The following GRM7 variants were observed in gnomAD, a reference collection of about 807,000 sequenced individuals.
GRM7 encodes the protein metabotropic glutamate receptor 7.
Under a neutral mutation model 84.5 loss-of-function variants are expected in GRM7, and 35 were observed. The ratio of observed to expected loss-of-function variants is 0.41; its 90% CI spans 0.32 to 0.55. The LOEUF (loss-of-function observed/expected upper bound fraction) is 0.55. Among genes scored for constraint, GRM7 ranks in the 20% least tolerant of loss-of-function variants. The pLI is 0.19. For synonymous variants in GRM7, 487 were observed against 455.1 expected (o/e 1.07, Z -0.89); for missense variants, 1,003 against 1,194.6 (o/e 0.84, Z 2.36).
At chr3:7,515,574 G>T (rs1700347435) in intron 7 of GRM7, among the ~76,000 whole-genome samples, 1 of 152,112 alleles carries the variant, frequency 6.6e-6, no homozygotes. Context: ...GTATCAAAAA[G>T]GAAACTAACC....
rs1270538512 is a variant in GRM7, at chr3:6,958,240, T to C, written c.519+96333T>C. Among the ~76,000 whole-genome samples, 5 of 11,696 alleles carry C rather than the reference T, an allele frequency of 4.3e-4. No individual in the cohort carries two copies. In the African/African-American group the frequency reaches 0.014, roughly 32 times the overall value. 7.7% of individuals were successfully genotyped at this position (11,696 alleles called of 152,430 possible). On this transcript the variant is annotated intron_variant, in intron 1 of 9. Transcript: ENST00000357716. ...GAATTTTATAAAAATGGTATCAGGC[T>C]TTTTTTTTTTTGGAAGAGTCTGGTT...
chr3:7,732,508 C>T (rs1004257251), intron 9 of GRM7, among the ~76,000 whole-genome samples: 1 of 151,998 alleles, frequency 6.6e-6, no homozygotes, highest in Non-Finnish European at 1.5e-5. Flanking sequence ...TAAAACCAAC[C>T]AGAGCAAAGA....
intron 4 of GRM7, among the ~76,000 whole-genome samples, chr3:7,403,622 G>GAT (rs59465377): frequency 0.22 from 28,306 of 126,678 alleles, 3,000 homozygotes; most frequent in East Asian, 0.32. Context: ...GAGTAATTCT[G>GAT]ATATATATAT....
intron 8 of GRM7, among the ~76,000 whole-genome samples, chr3:7,615,496 A>C (rs1384940414): frequency 6.6e-6 from 1 of 152,156 alleles, no homozygotes; most frequent in Non-Finnish European, 1.5e-5. Context: ...CATCACCTTG[A>C]ATACCTTATA....
At chr3:7,194,827 A>G (rs1293027335) in intron 2 of GRM7, among the ~76,000 whole-genome samples, 1 of 152,166 alleles carries the variant, frequency 6.6e-6, no homozygotes, top group Non-Finnish European at 1.5e-5. Flanking sequence ...GGCACAAAAT[A>G]TATAGTAAGC....
intron 2 of GRM7, among the ~76,000 whole-genome samples, chr3:7,244,200 CT>C (rs542522049): frequency 6.6e-6 from 1 of 152,056 alleles, no homozygotes; most frequent in Admixed American, 6.6e-5. Context: ...ACTTTTAACT[CT>C]TTTAACTTTT....
At chr3:7,161,195 G>A (rs559572115) in intron 2 of GRM7, among the ~76,000 whole-genome samples, 1 of 151,382 alleles carries the variant, frequency 6.6e-6, no homozygotes, top group Non-Finnish European at 1.5e-5. Flanking sequence ...CACTTTTCAC[G>A]ATCTGAAGGC....
chr3:7,225,473 A>G (rs1696953188), intron 2 of GRM7, among the ~76,000 whole-genome samples: 1 of 147,650 alleles, frequency 6.8e-6, no homozygotes, highest in Admixed American at 6.8e-5. Flanking sequence ...TATAATTATA[A>G]TAAATGTAAA....
At chr3:7,311,240 G>C (rs1700380130) in intron 4 of GRM7, among the ~76,000 whole-genome samples, 1 of 152,160 alleles carries the variant, frequency 6.6e-6, no homozygotes, top group Admixed American at 6.5e-5. Flanking sequence ...GAAGAGCTTT[G>C]AGAGACAACT....
Position 6,972,357 on chromosome 3 carries a change from T to G in GRM7, c.519+110450T>G, listed in dbSNP as rs145614157. On this transcript the variant is annotated intron_variant, in intron 1 of 9. Coordinates refer to ENST00000357716, the MANE Select transcript of GRM7 (RefSeq NM_000844.4). ...GCTTTTCCACTGAGAGAGTTCTGAT[T>G]GTCCGTGTTTCTTCGTCTTCTGATA... 7.2e-3 allele frequency among the ~76,000 whole-genome samples: 1,102 copies of G among 152,276 alleles called. 16 individuals carry two copies. The highest frequency in any genetic ancestry group is 0.024 in the African/African-American group (1,000 of 41,544).
chr3:7,024,416 C>T (rs1289007325), intron 1 of GRM7, among the ~76,000 whole-genome samples: 1 of 152,204 alleles, frequency 6.6e-6, no homozygotes, highest in African/African-American at 2.4e-5. Context: ...TGCACTTTGA[C>T]ATTAGCACCA....
chr3:7,473,532 A>AGAGAGAGAGAGAGAGAGAGAC (rs1553603738), intron 7 of GRM7, among the ~76,000 whole-genome samples: 5 of 83,566 alleles, frequency 6.0e-5, no homozygotes, highest in Non-Finnish European at 1.1e-4. Context: ...GAGAGAGAGA[A>AGAGAGAGAGAGAGAGAGAGAC]ACACCTTGAC....
chr3:7,372,265 C>T (rs1409933727), intron 4 of GRM7, among the ~76,000 whole-genome samples: 2 of 152,126 alleles, frequency 1.3e-5, no homozygotes, highest in Non-Finnish European at 2.9e-5. Context: ...AAAACAATCA[C>T]GTAAAGACGT....
chr3:7,390,601 G>T (rs569001913), intron 4 of GRM7, among the ~76,000 whole-genome samples: 1 of 152,004 alleles, frequency 6.6e-6, no homozygotes, highest in Admixed American at 6.5e-5. Context: ...TTGAAAGACT[G>T]GTCTTTGAGC....
At chr3:7,356,788 T>A (rs750619297) in intron 4 of GRM7, among the ~76,000 whole-genome samples, 1 of 152,010 alleles carries the variant, frequency 6.6e-6, no homozygotes, top group Non-Finnish European at 1.5e-5. Context: ...AGAGGCTCTA[T>A]TGTCAGCTTT....
intron 1 of GRM7, among the ~76,000 whole-genome samples, chr3:6,894,703 G>C (rs976674603): frequency 1.6e-4 from 25 of 152,210 alleles, no homozygotes; most frequent in African/African-American, 4.8e-4. Context: ...AAACTGGGTA[G>C]GCTTCCAGCA....
chr3:6,869,960 A>G (rs1382131889), intron 1 of GRM7, among the ~76,000 whole-genome samples: 1 of 151,872 alleles, frequency 6.6e-6, no homozygotes, highest in Non-Finnish European at 1.5e-5. Flanking sequence ...GCTTTTCTAA[A>G]TGCTTGGACA....
At chr3:7,561,758 G>C (rs1480402306) in intron 7 of GRM7, among the ~76,000 whole-genome samples, 1 of 152,054 alleles carries the variant, frequency 6.6e-6, no homozygotes, top group Non-Finnish European at 1.5e-5. Flanking sequence ...TTCTCTCTTA[G>C]CTTTGTGGAC....
At chr3:7,229,748 TATATA>T (rs1697113958) in intron 2 of GRM7, among the ~76,000 whole-genome samples, 1 of 37,868 alleles carries the variant, frequency 2.6e-5, no homozygotes, top group African/African-American at 8.1e-5. Context: ...TATATATATA[TATATA>T]TATATATTTT....
Sources: gnomAD v4.1 joint callset for allele counts (sites outside exome capture counted in the v4.1 genomes callset) on GRCh38, gnomAD v4.1.1 for gene constraint, MANE v1.5 for transcripts, NCBI Gene and HGNC (gene_info 2026-07-23, HGNC 2026-07-21) for gene names.